Variants in AGBL4 observed in about 807,000 individuals in gnomAD.
The protein encoded by AGBL4 is cytosolic carboxypeptidase 6.
Under a neutral mutation model 66.4 loss-of-function variants are expected in AGBL4, and 58 were observed. The observed-to-expected ratio is 0.87, with a 90% CI of 0.71 to 1.09. The LOEUF (loss-of-function observed/expected upper bound fraction) is 1.09. AGBL4 is among the 50% of genes least tolerant of loss of function. AGBL4 has a pLI of 0.00. For synonymous variants in AGBL4, 234 were observed against 222.9 expected, an observed-to-expected ratio of 1.05 and a Z score of -0.44; for missense variants, 579 against 631.0, an observed-to-expected ratio of 0.92 and a Z score of 0.88.
intron 4 of AGBL4, among the ~76,000 whole-genome samples, chr1:49,234,957 T>C (rs1650602919): frequency 6.6e-6 from 1 of 152,130 alleles, no homozygotes; most frequent in African/African-American, 2.4e-5. Flanking sequence ...CAATCTCTGA[T>C]TTTTCTGTCT....
chr1:49,821,340 T>C (rs953148917), intron 2 of AGBL4, among the ~76,000 whole-genome samples: 1 of 152,200 alleles, frequency 6.6e-6, no homozygotes, highest in East Asian at 1.9e-4. Flanking sequence ...GAGAGACATT[T>C]AAACTGAAAA....
At chr1:48,672,518 C>T (rs1283843129) in intron 6 of AGBL4, among the ~76,000 whole-genome samples, 1 of 152,214 alleles carries the variant, frequency 6.6e-6, no homozygotes, top group Non-Finnish European at 1.5e-5. Flanking sequence ...TTATTGTCAC[C>T]TGAGGGTCTC....
chr1:48,849,327 A>G (rs1646983553), intron 6 of AGBL4, among the ~76,000 whole-genome samples: 1 of 152,218 alleles, frequency 6.6e-6, no homozygotes, highest in Non-Finnish European at 1.5e-5. Context: ...AACTGCATTT[A>G]TATATTGGCC....
chr1:48,544,574 G>C (rs1457971936), intron 11 of AGBL4, among the ~76,000 whole-genome samples: 1 of 152,124 alleles, frequency 6.6e-6, no homozygotes, highest in African/African-American at 2.4e-5. Context: ...GGACTTGTTT[G>C]TAACCAAAAA....
chr1:49,385,250 C>T (rs965718072), intron 3 of AGBL4, among the ~76,000 whole-genome samples: 1 of 152,122 alleles, frequency 6.6e-6, no homozygotes, highest in Non-Finnish European at 1.5e-5. Flanking sequence ...GTTAACACTA[C>T]TGTATAGTAT....
At chr1:48,580,884 C>T (rs1644729295) in intron 11 of AGBL4, among the ~76,000 whole-genome samples, 3 of 152,164 alleles carry the variant, frequency 2.0e-5, no homozygotes. Flanking sequence ...ATGTAGCATC[C>T]TCTCTCTGGC....
intron 3 of AGBL4, among the ~76,000 whole-genome samples, chr1:49,434,490 T>C (rs1409517186): frequency 6.6e-6 from 1 of 152,136 alleles, no homozygotes; most frequent in Non-Finnish European, 1.5e-5. Flanking sequence ...ACCTCTGACT[T>C]GAAAATGTTT....
intron 3 of AGBL4, among the ~76,000 whole-genome samples, chr1:49,611,782 A>T (rs946032286): frequency 3.9e-5 from 6 of 152,200 alleles, no homozygotes; most frequent in African/African-American, 1.4e-4. Flanking sequence ...TAAGGAGTAG[A>T]TGTAAAATCT....
chr1:49,485,317 T>A (rs946052611), intron 3 of AGBL4, among the ~76,000 whole-genome samples: 1 of 151,726 alleles, frequency 6.6e-6, no homozygotes, highest in African/African-American at 2.4e-5. Flanking sequence ...GGAACATGGA[T>A]GAAGCTGGAA....
intron 6 of AGBL4, among the ~76,000 whole-genome samples, chr1:48,825,228 G>T (rs1044924857): frequency 1.3e-5 from 2 of 152,130 alleles, no homozygotes; most frequent in African/African-American, 4.8e-5. Flanking sequence ...CAGGAGGGAG[G>T]GAAAGATTCC....
chr1:49,578,354 G>T (rs1201031528), intron 3 of AGBL4, among the ~76,000 whole-genome samples: 1 of 152,168 alleles, frequency 6.6e-6, no homozygotes, highest in Non-Finnish European at 1.5e-5. Flanking sequence ...ATCCAGGCAG[G>T]ACTGCAAATG....
chr1:49,958,148 G>T (rs551471049), intron 1 of AGBL4, among the ~76,000 whole-genome samples: 69 of 151,996 alleles, frequency 4.5e-4, no homozygotes, highest in Non-Finnish European at 8.2e-4. Flanking sequence ...TGAAATTCTG[G>T]ATTGAAAATT....
intron 3 of AGBL4, among the ~76,000 whole-genome samples, chr1:49,366,699 A>G (rs1644247912): frequency 6.6e-6 from 1 of 152,192 alleles, no homozygotes; most frequent in South Asian, 2.1e-4. Flanking sequence ...ATGAGTTCCC[A>G]TGCTTAGGAG....
At chr1:48,663,532 C>T (rs320009) in intron 6 of AGBL4, among the ~76,000 whole-genome samples, 78,534 of 151,966 alleles carry the variant, frequency 0.52, 21,369 homozygotes, top group Middle Eastern at 0.65. Context: ...CCCAAATCCA[C>T]TGACTGTGAC....
chr1:49,971,187 TTA>T (rs1178739101), intron 1 of AGBL4, among the ~76,000 whole-genome samples: 10 of 152,186 alleles, frequency 6.6e-5, no homozygotes, highest in Admixed American at 5.2e-4. Context: ...CAGAAACAAT[TTA>T]TGAGTTTTAA....
chr1:49,446,369 T>C (rs759621475), intron 3 of AGBL4, among the ~76,000 whole-genome samples: 2 of 152,130 alleles, frequency 1.3e-5, no homozygotes, highest in Non-Finnish European at 2.9e-5. Context: ...GTATCTGTGG[T>C]ATTGGTTCAG....
chr1:48,898,226 A>C (rs974594983), intron 5 of AGBL4, among the ~76,000 whole-genome samples: 2 of 152,078 alleles, frequency 1.3e-5, no homozygotes, highest in Admixed American at 1.3e-4. Context: ...GGATAGTTTA[A>C]AAATGTTTTC....
At chr1:49,489,147 C>A (rs1647133564) in intron 3 of AGBL4, among the ~76,000 whole-genome samples, 1 of 151,694 alleles carries the variant, frequency 6.6e-6, no homozygotes, top group South Asian at 2.1e-4. Context: ...ACATTCCCAC[C>A]AACAGTGTAT....
rs144054882 is a variant in AGBL4 at position 49,524,994 on chromosome 1, T to C, written c.282+172319A>G. Among the ~76,000 whole-genome samples the C allele has an allele frequency of 4.8e-3, 727 of 152,218 alleles. 9 individuals are homozygous for C. Among genetic ancestry groups the C allele is most frequent in the African/African-American group, 0.017 (701 of 41,542 alleles). Reference sequence around the variant, plus strand: ...TGACCCTTGCTCAATAATTTACGACTGCATTATCTTGGGTAACTTATTCTT... The same window carrying C: ...TGACCCTTGCTCAATAATTTACGACCGCATTATCTTGGGTAACTTATTCTT... On this transcript the variant is annotated intron_variant, in intron 3 of 13. Transcript: ENST00000371839.
Sources: gnomAD v4.1 joint callset for allele counts (sites outside exome capture counted in the v4.1 genomes callset) on GRCh38, gnomAD v4.1.1 for gene constraint, MANE v1.5 for transcripts, NCBI Gene and HGNC (gene_info 2026-07-23, HGNC 2026-07-21) for gene names.